RBM47: variants seen among roughly 807,000 people sequenced by gnomAD.
RBM47 encodes RNA-binding protein 47.
In RBM47, 21 loss-of-function variants were observed where a neutral mutation model predicts 47.1. The ratio of observed to expected loss-of-function variants is 0.45; its 90% CI spans 0.32 to 0.64. The LOEUF (loss-of-function observed/expected upper bound fraction) is 0.64, where lower values mean the gene tolerates loss of function less well. Ranked by LOEUF, RBM47 falls within the 30% of genes least tolerant of loss-of-function variation. RBM47 has a pLI of 0.05. For synonymous variants in RBM47, 375 were observed against 361.7 expected (o/e 1.04, Z -0.42); for missense variants, 708 against 870.9 (o/e 0.81, Z 2.35).
intron 2 of RBM47, among the ~76,000 whole-genome samples, chr4:40,510,842 C>T (rs1464862756): frequency 2.6e-5 from 4 of 152,166 alleles, no homozygotes; most frequent in African/African-American, 4.8e-5. Flanking sequence ...GAGGCTGAGA[C>T]GGGTGGATCA....
intron 2 of RBM47, among the ~76,000 whole-genome samples, chr4:40,521,660 AAACT>A (rs993396548): frequency 2.0e-5 from 3 of 152,220 alleles, no homozygotes; most frequent in African/African-American, 7.2e-5. Flanking sequence ...TTGATAAAAC[AAACT>A]ATGATTATTT....
At chr4:40,557,507 G>C (rs976423046) in intron 1 of RBM47, among the ~76,000 whole-genome samples, 4 of 152,128 alleles carry the variant, frequency 2.6e-5, no homozygotes, top group African/African-American at 9.7e-5. Flanking sequence ...CCAGCGCTTT[G>C]GGAGTCTGAG....
At chr4:40,526,300 G>A (rs1458956846) in intron 2 of RBM47, among the ~76,000 whole-genome samples, 3 of 152,052 alleles carry the variant, frequency 2.0e-5, no homozygotes, top group Non-Finnish European at 4.4e-5. Flanking sequence ...TCTACTCCCC[G>A]CCAGCCTGGC....
intron 3 of RBM47, among the ~76,000 whole-genome samples, chr4:40,452,840 CTTTTT>C (rs34438216): frequency 6.4e-5 from 8 of 125,064 alleles, no homozygotes; most frequent in Admixed American, 1.7e-4. Context: ...TGATTTCCTT[CTTTTT>C]TTTTTTTTTT....
chr4:40,451,617 C>T (rs982844217), intron 3 of RBM47, among the ~76,000 whole-genome samples: 3 of 152,098 alleles, frequency 2.0e-5, no homozygotes, highest in Non-Finnish European at 4.4e-5. Context: ...ATACTATGAA[C>T]AATCACTGAA....
intron 2 of RBM47, among the ~76,000 whole-genome samples, chr4:40,491,051 T>C (rs751289154): frequency 9.2e-5 from 14 of 152,102 alleles, no homozygotes; most frequent in Non-Finnish European, 1.6e-4. Flanking sequence ...AGACAGTGTA[T>C]AGGGTGCAGA....
rs538790297 is a variant in RBM47 at position 40,478,310 on chromosome 4, C to T, written c.-154-11611G>A. 2.0e-5 allele frequency among the ~76,000 whole-genome samples: 3 copies of T among 152,294 alleles called. No individual in the cohort carries two copies. The East Asian group carries it at 5.8e-4, about 29-fold the overall frequency. ...GATTATAGGCCTGAGCCACCACACC[C>T]GGTCACATTAACTTCTGTATAGCTC... On this transcript the variant is annotated intron_variant, in intron 2 of 6. Coordinates refer to ENST00000295971, the MANE Select transcript of RBM47 (RefSeq NM_001098634.2).
intron 1 of RBM47, among the ~76,000 whole-genome samples, chr4:40,549,720 G>A (rs182452866): frequency 8.7e-4 from 130 of 150,262 alleles, no homozygotes; most frequent in African/African-American, 3.0e-3. Flanking sequence ...TCACTCTGTC[G>A]CCCAGGCTAG....
chr4:40,440,451 T>G (rs548985904), intron 3 of RBM47, among the ~76,000 whole-genome samples: 2 of 152,330 alleles, frequency 1.3e-5, no homozygotes, highest in South Asian at 4.1e-4. Flanking sequence ...TCATTCATTT[T>G]TTAAAATTTA....
intron 1 of RBM47, among the ~76,000 whole-genome samples, chr4:40,549,371 C>T (rs1034216679): frequency 6.6e-6 from 1 of 151,842 alleles, no homozygotes; most frequent in Non-Finnish European, 1.5e-5. Flanking sequence ...GGATTACAGG[C>T]GTGAGCCACC....
rs1035670389 is a variant in RBM47, at chr4:40,425,760, T to G, written c.*144A>C. 3.3e-6 allele frequency: 4 copies of G among 1,217,848 alleles called. No individual in the cohort carries two copies. The highest frequency in any genetic ancestry group is 2.9e-4 in the Middle Eastern group (1 of 3,402). The allele number at this position is 1,217,848 out of a possible 1,614,324, so 75.4% of individuals were successfully genotyped here. ...TTAAAAAACTAGTGAAAACTTCATG[T>G]ATATAAAATAATTCAGAAATAAATC... is the stretch of plus-strand genomic sequence containing the variant. On this transcript the variant is annotated 3_prime_UTR_variant, in exon 7 of 7. Transcript: ENST00000295971.
In RBM47 at chr4:40,519,553, T is replaced by C. The variant is rs1487144425; in HGVS notation, c.-155+24869A>G. ...CTCAGGTGATCTGCCCACCTCGGCCTCCCAAAGTGCTGAGATTACAGGTGT... is the reference window on the plus strand; with the variant it reads ...CTCAGGTGATCTGCCCACCTCGGCCCCCCAAAGTGCTGAGATTACAGGTGT... On this transcript the variant is annotated intron_variant, in intron 2 of 6. Coordinates refer to ENST00000295971, the MANE Select transcript of RBM47 (RefSeq NM_001098634.2). Among the ~76,000 whole-genome samples, 10 of 151,058 alleles carry C rather than the reference T, an allele frequency of 6.6e-5. No homozygotes were observed. The East Asian group carries it at 2.0e-3, about 30-fold the overall frequency.
chr4:40,557,094 T>TTAA (rs1215736167), intron 1 of RBM47, among the ~76,000 whole-genome samples: 2 of 152,130 alleles, frequency 1.3e-5, no homozygotes, highest in East Asian at 3.9e-4. Flanking sequence ...GTCCCCTAAA[T>TTAA]TCATTATTGG....
At chr4:40,518,160 T>C (rs1725814970) in intron 2 of RBM47, among the ~76,000 whole-genome samples, 2 of 1,808 alleles carry the variant, frequency 1.1e-3, no homozygotes, top group African/African-American at 3.4e-3. Context: ...TTTCTTTTCT[T>C]TTTTTTTTTT....
At chr4:40,538,330 T>TG (rs1316310387) in intron 2 of RBM47, among the ~76,000 whole-genome samples, 2 of 146,848 alleles carry the variant, frequency 1.4e-5, no homozygotes, top group African/African-American at 5.0e-5. Flanking sequence ...TTGGTATTGT[T>TG]TTTTTTTTTT....
At chr4:40,546,301 C>A (rs1052621134) in intron 1 of RBM47, among the ~76,000 whole-genome samples, 1 of 152,042 alleles carries the variant, frequency 6.6e-6, no homozygotes, top group Non-Finnish European at 1.5e-5. Context: ...CAGGCATGCA[C>A]CACCACTCCG....
At chr4:40,488,918 G>C (rs1277623974) in intron 2 of RBM47, among the ~76,000 whole-genome samples, 4 of 152,166 alleles carry the variant, frequency 2.6e-5, no homozygotes, top group Non-Finnish European at 5.9e-5. Flanking sequence ...TGCAGATGTG[G>C]AGACTGAGGC....
At chr4:40,610,821 C>G (rs1417637006) in intron 1 of RBM47, among the ~76,000 whole-genome samples, 1 of 152,036 alleles carries the variant, frequency 6.6e-6, no homozygotes, top group Non-Finnish European at 1.5e-5. Context: ...GTCACCAGAT[C>G]TGAGGGGTTT....
chr4:40,529,351 C>T (rs1235383755), intron 2 of RBM47, among the ~76,000 whole-genome samples: 4 of 151,058 alleles, frequency 2.6e-5, no homozygotes, highest in Non-Finnish European at 5.9e-5. Context: ...AACCCTGTCT[C>T]TACTAAAAAT....
Sources: gnomAD v4.1 joint callset for allele counts (sites outside exome capture counted in the v4.1 genomes callset) on GRCh38, gnomAD v4.1.1 for gene constraint, MANE v1.5 for transcripts, NCBI Gene and HGNC (gene_info 2026-07-23, HGNC 2026-07-21) for gene names.